The following C10orf143 variants were observed in gnomAD, a reference collection of about 807,000 sequenced individuals.
The protein encoded by C10orf143 is chromosome 10 open reading frame 143.
At chr10:130,049,864 G>C (rs1439256452) in intron 3 of C10orf143, among the ~76,000 whole-genome samples, 1 of 152,168 alleles carries the variant, frequency 6.6e-6, no homozygotes, top group Non-Finnish European at 1.5e-5. Context: ...AATATTAAAT[G>C]AAAAATTCAA....
intron 1 of C10orf143, among the ~76,000 whole-genome samples, chr10:130,110,131 C>T (rs1211328993): frequency 6.6e-6 from 1 of 152,126 alleles, no homozygotes; most frequent in East Asian, 1.9e-4. Context: ...CTGACTTACC[C>T]ACGCACCCTG....
chr10:130,077,952 A>G (rs1861145041), intron 3 of C10orf143, among the ~76,000 whole-genome samples: 1 of 152,230 alleles, frequency 6.6e-6, no homozygotes, highest in African/African-American at 2.4e-5. Flanking sequence ...TTTATTGAGA[A>G]TAACTACAAA....
At chr10:130,076,950 G>A (rs577451903) in intron 3 of C10orf143, among the ~76,000 whole-genome samples, 1 of 152,260 alleles carries the variant, frequency 6.6e-6, no homozygotes, top group Non-Finnish European at 1.5e-5. Context: ...CCCTGGGCAG[G>A]AGCGGACGCC....
At chr10:130,038,845 G>A (rs1860573956) in intron 3 of C10orf143, among the ~76,000 whole-genome samples, 1 of 152,218 alleles carries the variant, frequency 6.6e-6, no homozygotes, top group Non-Finnish European at 1.5e-5. Flanking sequence ...CTGCTAAGCT[G>A]GAGGAGGCGG....
chr10:130,059,102 T>C (rs183144285), downstream of C10orf143, among the ~76,000 whole-genome samples: 4 of 152,342 alleles, frequency 2.6e-5, no homozygotes, highest in Admixed American at 1.3e-4. Context: ...CACAGTTAGA[T>C]ATATCACTCT....
intron 3 of C10orf143, among the ~76,000 whole-genome samples, chr10:130,040,036 G>T (rs1008862313): frequency 1.6e-4 from 24 of 152,170 alleles, no homozygotes; most frequent in African/African-American, 5.8e-4. Context: ...TGCCCCAGGA[G>T]GGGACCTGTC....
intron 1 of C10orf143, among the ~76,000 whole-genome samples, chr10:130,093,836 C>G (rs1176226264): frequency 6.6e-6 from 1 of 151,910 alleles, no homozygotes; most frequent in African/African-American, 2.4e-5. Flanking sequence ...AGGTGAAACC[C>G]CATCTCTACT....
intron 1 of C10orf143, chr10:130,106,589 T>C: frequency 6.6e-7 from 1 of 1,525,780 alleles, no homozygotes; most frequent in Non-Finnish European, 9.1e-7. Context: ...TGAGTCAGAA[T>C]CCCTCAAATC....
chr10:130,100,777 C>G (rs1003139015), intron 1 of C10orf143, among the ~76,000 whole-genome samples: 1 of 151,986 alleles, frequency 6.6e-6, no homozygotes, highest in African/African-American at 2.4e-5. Context: ...GCAGTAGAAA[C>G]AATCAAAAAT....
intron 1 of C10orf143, among the ~76,000 whole-genome samples, chr10:130,084,681 T>C (rs889631985): frequency 1.3e-5 from 2 of 152,118 alleles, no homozygotes; most frequent in African/African-American, 4.8e-5. Context: ...CACATACATA[T>C]ATATATCCTA....
intron 1 of C10orf143, among the ~76,000 whole-genome samples, chr10:130,097,058 T>TCAAGCGATTCTCCTGCCTC (rs1861474507): frequency 6.6e-6 from 1 of 151,662 alleles, no homozygotes; most frequent in Non-Finnish European, 1.5e-5. Flanking sequence ...CCTCCTGGGT[T>TCAAGCGATTCTCCTGCCTC]CAAGCGATTC....
chr10:130,036,335 G>T (rs1860544987), intron 3 of C10orf143, among the ~76,000 whole-genome samples: 1 of 152,198 alleles, frequency 6.6e-6, no homozygotes, highest in Non-Finnish European at 1.5e-5. Flanking sequence ...ATAGGTCATG[G>T]ACACCATCCA....
At chr10:130,059,408 A>C (rs529456174), downstream of C10orf143, among the ~76,000 whole-genome samples, 2 of 152,212 alleles carry the variant, frequency 1.3e-5, no homozygotes, top group African/African-American at 4.8e-5. Flanking sequence ...CTTAATATAT[A>C]AAGAACTCTT....
At chr10:130,063,081 C>T (rs944069481), downstream of C10orf143, among the ~76,000 whole-genome samples, 1 of 152,148 alleles carries the variant, frequency 6.6e-6, no homozygotes, top group African/African-American at 2.4e-5. Flanking sequence ...GTCTGTCTGA[C>T]TCTGAAGCGG....
chr10:130,058,297 C>T (rs1172129798), intron 3 of C10orf143, among the ~76,000 whole-genome samples: 1 of 152,102 alleles, frequency 6.6e-6, no homozygotes, highest in Non-Finnish European at 1.5e-5. Context: ...CAGGTCTGAC[C>T]CCAGCATCTG....
downstream of C10orf143, among the ~76,000 whole-genome samples, chr10:130,060,760 T>C (rs1590011655): frequency 7.0e-6 from 1 of 143,446 alleles, no homozygotes; most frequent in African/African-American, 2.6e-5. Context: ...GAGGTGGAGC[T>C]TGCAGTGAGC....
intron 1 of C10orf143, among the ~76,000 whole-genome samples, chr10:130,101,451 C>A (rs1241717961): frequency 6.6e-6 from 1 of 151,984 alleles, no homozygotes; most frequent in African/African-American, 2.4e-5. Flanking sequence ...GGCTGCAGCT[C>A]TTTCATTGGA....
chr10:130,060,771 C>T (rs946152876), downstream of C10orf143, among the ~76,000 whole-genome samples: 14 of 145,764 alleles, frequency 9.6e-5, no homozygotes, highest in Non-Finnish European at 1.5e-4. Context: ...TGCAGTGAGC[C>T]GAGATCACGC....
intron 3 of C10orf143, among the ~76,000 whole-genome samples, chr10:130,052,864 C>G (rs1590007169): frequency 1.3e-5 from 2 of 152,304 alleles, no homozygotes; most frequent in South Asian, 4.1e-4. Flanking sequence ...AATGCATGTT[C>G]TAAGAATGTT....
Sources: allele counts gnomAD v4.1 joint callset (sites outside exome capture counted in the v4.1 genomes callset), GRCh38; gene constraint gnomAD v4.1.1; transcripts MANE v1.5; gene names NCBI Gene and HGNC (gene_info 2026-07-23, HGNC 2026-07-21).